Variants in XPO7 observed in about 807,000 individuals in gnomAD.
The protein encoded by XPO7 is exportin-7.
Under a neutral mutation model 144.3 loss-of-function variants are expected in XPO7, and 21 were observed. The observed-to-expected ratio is 0.15, with a 90% CI of 0.10 to 0.21. The LOEUF is 0.21. Among genes scored for constraint, XPO7 ranks in the 10% least tolerant of loss-of-function variants. XPO7 has a pLI of 1.00. For missense variants in XPO7, 808 were observed against 1,325.8 expected (o/e 0.61, Z 6.06); for synonymous variants, 580 against 499.6 (o/e 1.16, Z -2.15).
intron 1 of XPO7, 56 bp from the exon 2 acceptor site, chr8:21,966,801 G>A (rs1357422899): frequency 6.5e-7 from 1 of 1,550,226 alleles, no homozygotes; most frequent in South Asian, 1.2e-5. Context: ...TTTAAGCACA[G>A]TTGCTTACAT....
intron 5 of XPO7, among the ~76,000 whole-genome samples, 197 bp from the exon 6 acceptor site, chr8:21,974,473 A>G (rs1812164497): frequency 6.6e-6 from 1 of 152,242 alleles, no homozygotes; most frequent in Non-Finnish European, 1.5e-5. Context: ...CTAGAGAGAA[A>G]GGATACCCTG....
chr8:21,936,298 G>T (rs1810820061), intron 1 of XPO7, among the ~76,000 whole-genome samples: 1 of 152,122 alleles, frequency 6.6e-6, no homozygotes. Flanking sequence ...CTCTGTCTCT[G>T]TGTCCAGAAG....
At chr8:22,000,220 G>T (rs1813092471) in intron 24 of XPO7, among the ~76,000 whole-genome samples, 3 of 152,182 alleles carry the variant, frequency 2.0e-5, no homozygotes, top group Non-Finnish European at 4.4e-5. Flanking sequence ...AATCCAGATG[G>T]CTGGCACACT....
chr8:21,994,229 A>G (rs1812865699), intron 19 of XPO7, 134 bp from the exon 20 acceptor site: 1 of 572,418 alleles, frequency 1.7e-6, no homozygotes, highest in African/African-American at 1.9e-5. Flanking sequence ...AAGATATTGA[A>G]TCCGAATATT....
chr8:21,973,777 G>C (rs1812139471), intron 5 of XPO7, among the ~76,000 whole-genome samples: 1 of 152,218 alleles, frequency 6.6e-6, no homozygotes, highest in African/African-American at 2.4e-5. Flanking sequence ...AATGCCTACT[G>C]TGTGTTAGGA....
intron 13 of XPO7, among the ~76,000 whole-genome samples, chr8:21,986,454 T>G (rs1235635187): frequency 6.6e-6 from 1 of 152,072 alleles, no homozygotes; most frequent in African/African-American, 2.4e-5. Flanking sequence ...CGCCCCGCCT[T>G]CAATATATAT....
At chr8:21,976,597 C>A in intron 7 of XPO7, 76 bp downstream of exon 7, 1 of 1,431,428 alleles carries the variant, frequency 7.0e-7, no homozygotes, top group Non-Finnish European at 9.3e-7. Flanking sequence ...CTAAAGAACT[C>A]CTGGCAACTC....
At chr8:21,992,199 C>T (rs866884278) in intron 19 of XPO7, among the ~76,000 whole-genome samples, 6 of 151,876 alleles carry the variant, frequency 4.0e-5, no homozygotes, top group Middle Eastern at 3.4e-3. Context: ...TCTGAGTTTT[C>T]AAATATATTA....
intron 1 of XPO7, among the ~76,000 whole-genome samples, chr8:21,946,664 C>G (rs1219450274): frequency 8.6e-6 from 1 of 116,050 alleles, no homozygotes; most frequent in Non-Finnish European, 1.7e-5. Flanking sequence ...TTTTTTTTGA[C>G]GGAGTCTTGC....
In XPO7 at chr8:21,987,032, G is replaced by C. The variant is rs143200847; in HGVS notation, c.1578-109G>C. 574 of 1,494,160 alleles carry C rather than the reference G, an allele frequency of 3.8e-4. 3 individuals carry two copies. In the African/African-American group the frequency reaches 7.1e-3, roughly 19 times the overall value. The allele number at this position is 1,494,160 out of a possible 1,614,324, so 92.6% of individuals were successfully genotyped here. ...ATGTAGATGAATTTGGTTGCAGGAG[G>C]TTGCTGTACCCAAGTACAGGCATAT... is the stretch of plus-strand genomic sequence containing the variant. On this transcript the variant is annotated intron_variant, in intron 13 of 27. Coordinates refer to ENST00000252512, the MANE Select transcript of XPO7 (RefSeq NM_015024.5).
At position 21,977,769 on chromosome 8, in the gene XPO7, G is replaced by C; in HGVS notation, c.764-1G>C. On this transcript the variant is annotated splice_acceptor_variant, in intron 7 of 27. Transcript: ENST00000252512. LOFTEE classifies it high-confidence loss of function. ...ATGTCTTTTGTCTTTTTCTTCCCCA[G>C]CCTTCTTAGATTCTTCAACCTTGCA... 1 of 1,613,724 alleles carries C rather than the reference G, an allele frequency of 6.2e-7. No homozygotes were observed. The highest frequency in any genetic ancestry group is 8.5e-7 in the Non-Finnish European group (1 of 1,179,798).
Position 21,999,912 on chromosome 8 carries a change from C to T in XPO7, c.2782+238C>T, listed in dbSNP as rs562278392. ...GATACGGTAATTAACAGCATATAGTCCCTGTCCTTAAGGGGCTTATCTGGT... is the reference window on the plus strand; with the variant it reads ...GATACGGTAATTAACAGCATATAGTTCCTGTCCTTAAGGGGCTTATCTGGT... On this transcript the variant is annotated intron_variant, in intron 24 of 27. Coordinates refer to ENST00000252512, the MANE Select transcript of XPO7 (RefSeq NM_015024.5). 2.0e-5 allele frequency among the ~76,000 whole-genome samples: 3 copies of T among 152,314 alleles called. No homozygotes were observed. In the South Asian group the frequency reaches 6.2e-4, roughly 32 times the overall value.
Position 21,987,192 on chromosome 8 carries a change from T to G in XPO7, c.1629T>G (p.Asn543Lys). The stretch of plus-strand genomic sequence containing the variant: ...ATTCTCGTTTGGCCCAGGCGGGTAA[T>G]GAGAAGCTAGAGTTGGCCATGCTGA... ...LTDSRLAQAG[N>K]EKLELAMLSF... Residue 543 changes from asparagine to lysine, a missense_variant, in exon 14 of 28, where the codon AAT becomes AAG. This residue lies in a region of XPO7 where 416 missense variants were observed against 612.5 expected (regional missense o/e 0.68). Coordinates refer to ENST00000252512, the MANE Select transcript of XPO7 (RefSeq NM_015024.5). 6.2e-7 allele frequency: 1 copy of G among 1,614,006 alleles called. No homozygotes were observed. Among genetic ancestry groups the G allele is most frequent in the Non-Finnish European group, 8.5e-7 (1 of 1,179,880 alleles).
chr8:21,990,664 C>T (rs1812741587), intron 17 of XPO7, 147 bp from the exon 18 acceptor site: 2 of 819,676 alleles, frequency 2.4e-6, no homozygotes, highest in Admixed American at 2.7e-5. Context: ...CGGTAGCCTG[C>T]CTTCAAAAAA....
At chr8:21,945,498 G>A (rs1811163269) in intron 1 of XPO7, among the ~76,000 whole-genome samples, 1 of 152,156 alleles carries the variant, frequency 6.6e-6, no homozygotes, top group African/African-American at 2.4e-5. Flanking sequence ...GTGTAAAACA[G>A]GAAAGATACA....
At chr8:21,990,961 C>T in intron 18 of XPO7, 42 bp downstream of exon 18, 1 of 1,570,918 alleles carries the variant, frequency 6.4e-7, no homozygotes, top group Non-Finnish European at 8.7e-7. Context: ...TCATCTGGCA[C>T]TCTTCTAAAT....
chr8:21,999,055 T>A, intron 22 of XPO7, 36 bp from the exon 23 acceptor site: 2 of 1,611,326 alleles, frequency 1.2e-6, no homozygotes, highest in Non-Finnish European at 1.7e-6. Flanking sequence ...GCGCTTCTAA[T>A]GTGGTTGAAT....
Position 22,006,320 on chromosome 8 carries a change from C to G in XPO7, c.*1232C>G, listed in dbSNP as rs903226159. 2 of 152,074 alleles carry G rather than the reference C, an allele frequency of 1.3e-5. No individual in the cohort carries two copies. Among genetic ancestry groups the G allele is most frequent in the Non-Finnish European group, 2.9e-5 (2 of 67,996 alleles). The allele number at this position is 152,074 out of a possible 1,614,324, so 9.4% of individuals were successfully genotyped here. A position where few individuals can be genotyped will look rare whatever the true frequency, so the allele number is the denominator to read the frequency against. On this transcript the variant is annotated 3_prime_UTR_variant, in exon 28 of 28. Coordinates refer to ENST00000252512, the MANE Select transcript of XPO7 (RefSeq NM_015024.5). ...GAAAATTAATGGAGACAGCTATTTG[C>G]CTTGTACTTTTTCCACAATTGTTGC... is the stretch of plus-strand genomic sequence containing the variant.
chr8:21,995,976 C>T (rs905930096), intron 21 of XPO7, among the ~76,000 whole-genome samples: 15 of 152,108 alleles, frequency 9.9e-5, no homozygotes, highest in Admixed American at 2.0e-4. Context: ...CCACCACACC[C>T]GGCCGATTTT....
Sources: gnomAD v4.1 joint callset for allele counts (sites outside exome capture counted in the v4.1 genomes callset) on GRCh38, gnomAD v4.1.1 for gene constraint, gnomAD v4.1.1 regional missense constraint, MANE v1.5 for transcripts, NCBI Gene and HGNC (gene_info 2026-07-23, HGNC 2026-07-21) for gene names.